Variants in DSC3 observed in about 807,000 individuals in gnomAD.
DSC3 encodes the protein desmocollin-3.
DSC3 carries 97 observed loss-of-function variants against 89.5 expected under a neutral mutation model. The observed-to-expected ratio is 1.08, with a 90% CI of 0.92 to 1.28. The LOEUF is 1.28. DSC3 is among the 50% of genes most tolerant of loss of function. DSC3 has a pLI of 0.00. For synonymous variants in DSC3, 436 were observed against 384.1 expected, an observed-to-expected ratio of 1.14 and a Z score of -1.58; for missense variants, 1,199 against 1,085.3, an observed-to-expected ratio of 1.10 and a Z score of -1.47.
intron 7 of DSC3, among the ~76,000 whole-genome samples, chr18:31,021,228 C>G (rs1207454859): frequency 1.3e-5 from 2 of 151,922 alleles, no homozygotes; most frequent in African/African-American, 2.4e-5. Context: ...TTTAATTTTT[C>G]TAAACCTCAT....
chr18:31,041,511 A>C (rs1044830252), intron 1 of DSC3, among the ~76,000 whole-genome samples: 7 of 152,168 alleles, frequency 4.6e-5, no homozygotes, highest in Non-Finnish European at 8.8e-5. Flanking sequence ...AGGGCCAGGA[A>C]GCAGTAAGAA....
rs1188813249 is a variant in DSC3 at position 31,029,568 on chromosome 18, G to T, written c.415C>A (p.Pro139Thr). 5 of 1,613,762 alleles carry T rather than the reference G, an allele frequency of 3.1e-6. No individual in the cohort carries two copies. Among genetic ancestry groups the T allele is most frequent in the Non-Finnish European group, 4.2e-6 (5 of 1,179,784 alleles). Residue 139 changes from proline to threonine, a missense_variant, in exon 4 of 16, where the codon CCT becomes ACT. By Grantham distance (38) the Pro-to-Thr change is conservative (BLOSUM62 -1). Coordinates refer to ENST00000360428, the MANE Select transcript of DSC3 (RefSeq NM_001941.5). ...VLRRAKRRWA[P>T]IPCSMQENSL... The stretch of plus-strand genomic sequence containing the variant: ...TTCTCTTGCATAGAGCAAGGAATAG[G>T]TGCCCATCTCCTCTTGGCACGCCTG...
intron 1 of DSC3, among the ~76,000 whole-genome samples, chr18:31,038,221 TAAG>T (rs1274345796): frequency 6.6e-6 from 1 of 152,226 alleles, no homozygotes; most frequent in Non-Finnish European, 1.5e-5. Flanking sequence ...TAAAATGAGT[TAAG>T]AAGAGTTCTG....
At chr18:31,035,453 A>T (rs1385105041) in intron 1 of DSC3, among the ~76,000 whole-genome samples, 1 of 151,688 alleles carries the variant, frequency 6.6e-6, no homozygotes, top group Non-Finnish European at 1.5e-5. Context: ...TTTGCCCTTT[A>T]AAAAAAACAT....
chr18:31,040,666 G>C (rs276928), intron 1 of DSC3, among the ~76,000 whole-genome samples: 58,966 of 151,988 alleles, frequency 0.39, 12,021 homozygotes, highest in East Asian at 0.7. Flanking sequence ...TCAGATTCTT[G>C]TTAAAGACTT....
chr18:31,020,933 C>A (rs558770606), intron 7 of DSC3, among the ~76,000 whole-genome samples: 89 of 152,148 alleles, frequency 5.8e-4, no homozygotes, highest in Middle Eastern at 6.8e-3. Context: ...GAGAGCGAGA[C>A]CCTCTCTCAA....
intron 13 of DSC3, among the ~76,000 whole-genome samples, chr18:31,002,761 C>A (rs1275993561): frequency 6.6e-6 from 1 of 150,488 alleles, no homozygotes; most frequent in Non-Finnish European, 1.5e-5. Context: ...TCAAATTTTA[C>A]AGTCCATATA....
chr18:30,994,615 A>C (rs948446080), intron 15 of DSC3: 1 of 714,734 alleles, frequency 1.4e-6, no homozygotes, highest in Non-Finnish European at 2.2e-6. Context: ...TTTATATTTA[A>C]GTACATTCAA....
chr18:31,024,633 A>C (rs1985537131), intron 5 of DSC3, 140 bp from the exon 6 acceptor site: 5 of 889,592 alleles, frequency 5.6e-6, no homozygotes, highest in Non-Finnish European at 1.7e-6. Flanking sequence ...GTTTTTAATT[A>C]TCAAAGCACC....
chr18:31,042,462 C>A, intron 1 of DSC3, 130 bp downstream of exon 1: 2 of 940,932 alleles, frequency 2.1e-6, no homozygotes, highest in Non-Finnish European at 3.4e-6. Flanking sequence ...GGGGCTGCTA[C>A]CAGACCCGCA....
chr18:31,041,156 G>C (rs1986117160), intron 1 of DSC3, among the ~76,000 whole-genome samples: 2 of 152,070 alleles, frequency 1.3e-5, no homozygotes. Context: ...TGGGAGCCTC[G>C]AGCGAATGCG....
Position 31,018,686 on chromosome 18 carries a change from G to T in DSC3, c.1057C>A (p.Pro353Thr). The T allele has an allele frequency of 6.2e-7, 1 of 1,613,318 alleles. No homozygotes were observed. Among genetic ancestry groups the T allele is most frequent in the Non-Finnish European group, 8.5e-7 (1 of 1,179,868 alleles). ...ITVTDSNDNA[P>T]TFRQNAYEAF... is the part of the protein sequence containing the mutation. ...CTTACAGCATTTTGTCTGAAAGTGG[G>T]TGCATTATCATTTGAATCTGTTACT... is the stretch of plus-strand genomic sequence containing the variant. The change falls in exon 8 of 16, where the codon CCC becomes ACC. Residue 353 changes from proline to threonine, a missense_variant. Pro to Thr is a conservative substitution (Grantham distance 38). Transcript: ENST00000360428.
At chr18:31,016,759 G>A (rs1419182030) in intron 9 of DSC3, among the ~76,000 whole-genome samples, 1 of 152,166 alleles carries the variant, frequency 6.6e-6, no homozygotes, top group Non-Finnish European at 1.5e-5. Context: ...ACTGAGAAGG[G>A]ATGTGAGGGG....
rs1208714572 is a variant in DSC3 at position 30,992,647 on chromosome 18, A to C, written c.*1528T>G. 6.6e-6 allele frequency: 1 copy of C among 152,292 alleles called. No homozygotes were observed. The highest frequency in any genetic ancestry group is 1.5e-5 in the Non-Finnish European group (1 of 68,074). The allele number at this position is 152,292 out of a possible 1,614,324, so 9.4% of individuals were successfully genotyped here. Reference sequence around the variant, plus strand: ...TCTTCCTGTTGCCCTCTGACTGTACAAATAACCTACTTGGGCTGCTTTCTC... The same window carrying C: ...TCTTCCTGTTGCCCTCTGACTGTACCAATAACCTACTTGGGCTGCTTTCTC... On this transcript the variant is annotated 3_prime_UTR_variant, in exon 16 of 16. Coordinates refer to ENST00000360428, the MANE Select transcript of DSC3 (RefSeq NM_001941.5).
At position 31,008,448 on chromosome 18, in the gene DSC3, A is replaced by G; in HGVS notation, c.1341T>C (p.Ile447=). 6.2e-7 allele frequency: 1 copy of G among 1,614,170 alleles called. No individual in the cohort carries two copies. The change falls in exon 10 of 16, where the codon ATT becomes ATC. Residue 447 remains isoleucine, a synonymous_variant. Coordinates refer to ENST00000360428, the MANE Select transcript of DSC3 (RefSeq NM_001941.5). The part of the protein sequence containing the change: ...VNNEAPFARD[I]PRVTALNRAL... ...CTCTGTTCAAGGCTGTCACTCTGGG[A>G]ATATCTCTAGCAAATGGCGCTTCAT...
rs761772439 is a variant in DSC3 at position 31,001,686 on chromosome 18, A to G, written c.2167T>C (p.Phe723Leu). 2 of 1,611,020 alleles carry G rather than the reference A, an allele frequency of 1.2e-6. No individual in the cohort carries two copies. Among genetic ancestry groups the G allele is most frequent in the Non-Finnish European group, 1.7e-6 (2 of 1,178,452 alleles). ...TTTTGCTGTGCTAAATCTTCAGGAA[A>G]ACGTTTCCCTTTAGTTGCACCAAAA... ...GVFGATKGKR[F>L]PEDLAQQNLI... Residue 723 changes from phenylalanine (F) to leucine (L), a missense_variant, in exon 14 of 16, where the codon TTT becomes CTT. By Grantham distance (22) the Phe-to-Leu change is conservative. Coordinates refer to ENST00000360428, the MANE Select transcript of DSC3 (RefSeq NM_001941.5).
At chr18:31,001,089 G>GTA (rs67608580) in intron 14 of DSC3, among the ~76,000 whole-genome samples, 3 of 126,044 alleles carry the variant, frequency 2.4e-5, no homozygotes, top group Non-Finnish European at 5.0e-5. Flanking sequence ...TTGTGTGTGT[G>GTA]TATATATATA....
chr18:31,022,530 TA>T (rs764275265), intron 6 of DSC3, 28 bp from the exon 7 acceptor site: 2 of 1,612,832 alleles, frequency 1.2e-6, no homozygotes. Flanking sequence ...AAACAGCCTT[TA>T]ATTTACAGAA....
chr18:31,021,661 C>T (rs1985423703), intron 7 of DSC3, among the ~76,000 whole-genome samples: 1 of 152,228 alleles, frequency 6.6e-6, no homozygotes, highest in South Asian at 2.1e-4. Flanking sequence ...GTCAATAATG[C>T]ATGATTGCTG....
Sources: allele counts gnomAD v4.1 joint callset (sites outside exome capture counted in the v4.1 genomes callset), GRCh38; gene constraint gnomAD v4.1.1; transcripts MANE v1.5; gene names NCBI Gene and HGNC (gene_info 2026-07-23, HGNC 2026-07-21).